The following CNTN4 variants were observed in gnomAD, a reference collection of about 807,000 sequenced individuals.
The protein encoded by CNTN4 is contactin 4.
CNTN4 carries 77 observed loss-of-function variants against 122.5 expected under a neutral mutation model. The observed-to-expected ratio is 0.63, with a 90% CI of 0.52 to 0.76. The LOEUF (loss-of-function observed/expected upper bound fraction) is 0.76, where lower values mean the gene tolerates loss of function less well. Ranked by LOEUF, CNTN4 falls within the 30% of genes least tolerant of loss-of-function variation. The probability of loss-of-function intolerance (pLI) is 0.00; values close to 1 mark genes in which losing one functional copy is unlikely to be tolerated. For missense variants in CNTN4, 1,256 were observed against 1,259.1 expected, an observed-to-expected ratio of 1.00 and a Z score of 0.04; for synonymous variants, 512 against 447.0, an observed-to-expected ratio of 1.15 and a Z score of -1.83.
At chr3:2,412,525 T>C (rs1288525024) in intron 3 of CNTN4, among the ~76,000 whole-genome samples, 1 of 152,184 alleles carries the variant, frequency 6.6e-6, no homozygotes, top group Non-Finnish European at 1.5e-5. Context: ...AGTGCTGGGA[T>C]TACAGGCATG....
intron 3 of CNTN4, among the ~76,000 whole-genome samples, chr3:2,366,922 T>G (rs1559490847): frequency 6.6e-6 from 1 of 152,112 alleles, no homozygotes; most frequent in Non-Finnish European, 1.5e-5. Flanking sequence ...ACTCTAACAA[T>G]TTTAACTAAA....
rs71056400 is a variant in CNTN4 at position 2,206,877 on chromosome 3, CTT to C, written c.-145+106253_-145+106254del. 4.0e-3 allele frequency among the ~76,000 whole-genome samples: 572 copies of C among 142,346 alleles called. 3 individuals are homozygous for C. Among genetic ancestry groups the C allele is most frequent in the Middle Eastern group, 0.015 (4 of 264 alleles). The allele number at this position is 142,346 out of a possible 152,430, so 93.4% of individuals were successfully genotyped here. On this transcript the variant is annotated intron_variant, in intron 2 of 24. Coordinates refer to ENST00000418658, the MANE Select transcript of CNTN4 (RefSeq NM_175607.3). ...GCATTACTGCACTTCGCAGATACTGCTTTTTTTTTTTTTTTTAAAGAATTTTA... is the reference window on the plus strand; with the variant it reads ...GCATTACTGCACTTCGCAGATACTGCTTTTTTTTTTTTTTAAAGAATTTTA...
At chr3:2,215,806 C>T (rs2038811219) in intron 2 of CNTN4, among the ~76,000 whole-genome samples, 2 of 139,044 alleles carry the variant, frequency 1.4e-5, no homozygotes, top group African/African-American at 5.5e-5. Context: ...TCACTTGAAC[C>T]CAGGATTTAG....
At chr3:2,508,369 A>G (rs557840329) in intron 3 of CNTN4, among the ~76,000 whole-genome samples, 386 of 152,308 alleles carry the variant, frequency 2.5e-3, no homozygotes, top group African/African-American at 8.9e-3. Context: ...ATAGGAAAAC[A>G]CTTTCAAGAA....
chr3:2,512,575 A>ATTT (rs2076919509), intron 3 of CNTN4, among the ~76,000 whole-genome samples: 1 of 152,136 alleles, frequency 6.6e-6, no homozygotes, highest in Non-Finnish European at 1.5e-5. Context: ...GGATTTGTGG[A>ATTT]TTTTTCTGTT....
At chr3:2,791,764 G>A (rs909128961) in intron 6 of CNTN4, among the ~76,000 whole-genome samples, 4 of 152,188 alleles carry the variant, frequency 2.6e-5, no homozygotes, top group African/African-American at 9.7e-5. Context: ...GCCTCTAGGG[G>A]TTTTAGGGAA....
At chr3:3,032,239 G>C (rs1044362687) in intron 16 of CNTN4, among the ~76,000 whole-genome samples, 3 of 152,190 alleles carry the variant, frequency 2.0e-5, no homozygotes, top group African/African-American at 7.2e-5. Flanking sequence ...AGGCTGGTCT[G>C]CCCTCCCCTT....
chr3:2,600,280 C>T (rs115473534), intron 4 of CNTN4, among the ~76,000 whole-genome samples: 1,707 of 151,764 alleles, frequency 0.011, 30 homozygotes, highest in African/African-American at 0.039. Context: ...TGTATACACA[C>T]GCCATGTTGT....
chr3:2,649,904 G>A (rs1018595986), intron 4 of CNTN4, among the ~76,000 whole-genome samples: 7 of 151,360 alleles, frequency 4.6e-5, no homozygotes, highest in South Asian at 2.1e-4. Flanking sequence ...TGAGGCAGGC[G>A]GATCACTTGA....
intron 2 of CNTN4, among the ~76,000 whole-genome samples, chr3:2,141,583 C>A (rs954037787): frequency 6.6e-6 from 1 of 152,044 alleles, no homozygotes; most frequent in African/African-American, 2.4e-5. Flanking sequence ...ACATTTGTGG[C>A]AATTTGTCAC....
chr3:2,615,246 ACAGGG>A (rs1559307068), intron 4 of CNTN4, among the ~76,000 whole-genome samples: 1 of 152,234 alleles, frequency 6.6e-6, no homozygotes. Flanking sequence ...GCCATTTATA[ACAGGG>A]TATTGCATAA....
chr3:2,532,682 G>C (rs1010146652), intron 3 of CNTN4, among the ~76,000 whole-genome samples: 4 of 152,038 alleles, frequency 2.6e-5, no homozygotes, highest in African/African-American at 9.7e-5. Context: ...CCAATTATTA[G>C]TGAAAACTAT....
intron 2 of CNTN4, among the ~76,000 whole-genome samples, chr3:2,257,591 G>GA (rs1312226732): frequency 6.6e-6 from 1 of 151,996 alleles, no homozygotes; most frequent in African/African-American, 2.4e-5. Context: ...AAATTTACAA[G>GA]AAAAAAGCAA....
At chr3:2,595,542 C>A (rs1006860193) in intron 4 of CNTN4, among the ~76,000 whole-genome samples, 10 of 152,108 alleles carry the variant, frequency 6.6e-5, no homozygotes, top group African/African-American at 2.2e-4. Flanking sequence ...GGTCCGTTCT[C>A]TTCAGTAGCC....
At chr3:3,050,043 G>T (rs2125873355) in intron 23 of CNTN4, among the ~76,000 whole-genome samples, 1 of 152,332 alleles carries the variant, frequency 6.6e-6, no homozygotes, top group Non-Finnish European at 1.5e-5. Flanking sequence ...GGGATAGAGA[G>T]CTGACTCGCC....
rs563446302 is a variant in CNTN4 at position 2,432,642 on chromosome 3, ATGTGTATATATATGTG to A, written c.-89+93433_-89+93448del. 2.2e-3 allele frequency among the ~76,000 whole-genome samples: 335 copies of A among 151,668 alleles called. 1 individual carries two copies. The highest frequency in any genetic ancestry group is 3.4e-3 in the Middle Eastern group (1 of 294). ...TGTGTATATATATGTGTGTGTATGT[ATGTGTATATATATGTG>A]TGTGTATATATATGTGTGTGTATGT... On this transcript the variant is annotated intron_variant, in intron 3 of 24. Transcript: ENST00000418658.
chr3:2,382,672 A>G (rs1370031675), intron 3 of CNTN4, among the ~76,000 whole-genome samples: 1 of 152,236 alleles, frequency 6.6e-6, no homozygotes, highest in African/African-American at 2.4e-5. Flanking sequence ...TTTTGCTTCC[A>G]GATTAGACAA....
chr3:2,526,180 C>T (rs547666216), intron 3 of CNTN4, among the ~76,000 whole-genome samples: 17 of 152,188 alleles, frequency 1.1e-4, no homozygotes, highest in Non-Finnish European at 1.8e-4. Context: ...GCCCTTCATG[C>T]GCCCCACAAT....
At chr3:2,969,351 A>C (rs569370209) in intron 13 of CNTN4, among the ~76,000 whole-genome samples, 32 of 152,234 alleles carry the variant, frequency 2.1e-4, no homozygotes, top group Middle Eastern at 3.4e-3. Flanking sequence ...AGGCTAGGTC[A>C]GGTGTCCACT....
Sources: gnomAD v4.1 joint callset for allele counts (sites outside exome capture counted in the v4.1 genomes callset) on GRCh38, gnomAD v4.1.1 for gene constraint, MANE v1.5 for transcripts, NCBI Gene and HGNC (gene_info 2026-07-23, HGNC 2026-07-21) for gene names.